DDX39A: variants seen among roughly 807,000 people sequenced by gnomAD.
DDX39A encodes the protein ATP-dependent RNA helicase DDX39A.
DDX39A carries 13 observed loss-of-function variants against 46.3 expected under a neutral mutation model. That is an observed-to-expected ratio of 0.28 (90% CI 0.18 to 0.45). The LOEUF is 0.45. DDX39A is among the 20% of genes least tolerant of loss of function. DDX39A has a pLI of 1.00. For missense variants in DDX39A, 352 were observed against 581.8 expected (o/e 0.61, Z 4.06); for synonymous variants, 234 against 224.6 (o/e 1.04, Z -0.38).
Position 14,411,673 on chromosome 19 carries a change from C to T in DDX39A, c.337-75G>A, listed in dbSNP as rs1461911221. The T allele has an allele frequency of 2.2e-6, 3 of 1,344,946 alleles. No homozygotes were observed. Among genetic ancestry groups the T allele is most frequent in the Middle Eastern group, 1.8e-4 (1 of 5,624 alleles). The allele number at this position is 1,344,946 out of a possible 1,614,324, so 83.3% of individuals were successfully genotyped here. A position where few individuals can be genotyped will look rare whatever the true frequency, so the allele number is the denominator to read the frequency against. On this transcript the variant is annotated intron_variant, in intron 3 of 10. Transcript: ENST00000242776. The surrounding 1 kb of genome is among the most constrained non-coding windows in gnomAD (Gnocchi z 4.1). ...CCCTTCCCCACCAGAGTCCACCCAACCCAGTCCCCCTGACACTGCACCCAA... is the reference window on the plus strand; with the variant it reads ...CCCTTCCCCACCAGAGTCCACCCAATCCAGTCCCCCTGACACTGCACCCAA...
At chr19:14,417,693 T>C (rs1324604933) in intron 1 of DDX39A, among the ~76,000 whole-genome samples, 2 of 151,502 alleles carry the variant, frequency 1.3e-5, no homozygotes, top group Non-Finnish European at 2.9e-5. Context: ...AATAAATAAG[T>C]AGAAATTAAA....
In DDX39A at chr19:14,412,556, C is replaced by A; in HGVS notation, c.331G>T (p.Gly111Ter). 6.2e-7 allele frequency: 1 copy of A among 1,607,752 alleles called. No homozygotes were observed. Among genetic ancestry groups the A allele is most frequent in the Non-Finnish European group, 8.5e-7 (1 of 1,179,734 alleles). ...GAAGGGAGGAGCCCACCCACCTGTC[C>A]GTTGACAGGCTCAATCTGCTGTAGG... ...ATLQQIEPVN[G>*]QVTVLVMCHT... The change falls in exon 3 of 11, where the codon GGA (glycine) becomes TGA (stop). Residue 111 changes from glycine (G) to a stop codon, truncating the protein, a stop_gained. Transcript: ENST00000242776. LOFTEE classifies it high-confidence loss of function. This position sits in a 1 kb window ranked among gnomAD's most constrained non-coding sequence, Gnocchi z 4.4.
intron 1 of DDX39A, among the ~76,000 whole-genome samples, chr19:14,413,611 C>A (rs763822495): frequency 2.0e-4 from 30 of 152,182 alleles, no homozygotes; most frequent in Non-Finnish European, 1.9e-4. Context: ...CTGGCTGTCA[C>A]CGCCAGGAAT....
intron 1 of DDX39A, chr19:14,415,826 C>T (rs1466298151): frequency 6.5e-6 from 1 of 153,654 alleles, no homozygotes; most frequent in Admixed American, 6.6e-5. Flanking sequence ...AATCCCAGCA[C>T]TTTGGGAGGC....
rs1397204256 is a variant in DDX39A, at chr19:14,408,916, GCGGCTCTGGCACGTGGTGGTTAC to G, written c.1281_*19del. 1 of 1,574,596 alleles carries G rather than the reference GCGGCTCTGGCACGTGGTGGTTAC, an allele frequency of 6.4e-7. No individual in the cohort carries two copies. Among genetic ancestry groups the G allele is most frequent in the Non-Finnish European group, 8.6e-7 (1 of 1,158,120 alleles). ...GCTGCATGCGGGCGGCTCCGGGTGG[GCGGCTCTGGCACGTGGTGGTTAC>G]CGGCTCTGCTCGACTGTAAGACATG... On this transcript the variant is annotated stop_lost and 3_prime_UTR_variant, in exon 11 of 11. Coordinates refer to ENST00000242776, the MANE Select transcript of DDX39A (RefSeq NM_005804.4).
rs1252571359 is a variant in DDX39A at position 14,409,780 on chromosome 19, T to C, written c.826A>G (p.Lys276Glu). ...AGCACATCCAAGAGATCAAAGAGCT[T>C]GCGGTTCTTCTCACTGTCTTTGAGT... ...VKLKDSEKNR[K>E]LFDLLDVLEF... Residue 276 changes from lysine (K) to glutamate (E), a missense_variant, in exon 7 of 11, where the codon AAG becomes GAG. Lys to Glu is a moderately conservative substitution (Grantham distance 56). This residue lies in a region of DDX39A where 301 missense variants were observed against 469.9 expected (regional missense o/e 0.64). Transcript: ENST00000242776. This position sits in a 1 kb window ranked among gnomAD's most constrained non-coding sequence, Gnocchi z 8.3. 3.7e-6 allele frequency: 6 copies of C among 1,614,018 alleles called. No homozygotes were observed. Among genetic ancestry groups the C allele is most frequent in the African/African-American group, 2.7e-5 (2 of 74,922 alleles).
intron 1 of DDX39A, among the ~76,000 whole-genome samples, chr19:14,415,041 CAT>C (rs1324945618): frequency 6.6e-6 from 1 of 151,766 alleles, no homozygotes; most frequent in Non-Finnish European, 1.5e-5. Flanking sequence ...TAGTCACAGA[CAT>C]GTGCAACCAC....
At position 14,409,481 on chromosome 19, in the gene DDX39A, G is replaced by A; in HGVS notation, c.975-34C>T. ...CAGGAGAAACAAGTGGAGGCCGTCA[G>A]ACACTGGGCTCCTGGTGGTGCTCCC... On this transcript the variant is annotated intron_variant, in intron 8 of 10. Transcript: ENST00000242776. This position sits in a 1 kb window ranked among gnomAD's most constrained non-coding sequence, Gnocchi z 8.3. 1 of 1,612,332 alleles carries A rather than the reference G, an allele frequency of 6.2e-7. No homozygotes were observed. The highest frequency in any genetic ancestry group is 1.3e-5 in the African/African-American group (1 of 75,064).
chr19:14,411,344 G>T lies in DDX39A; in HGVS notation c.429+162C>A. On this transcript the variant is annotated intron_variant, in intron 4 of 10. Coordinates refer to ENST00000242776, the MANE Select transcript of DDX39A (RefSeq NM_005804.4). This position sits in a 1 kb window ranked among gnomAD's most constrained non-coding sequence, Gnocchi z 4.1. ...CTGGGACCTGCGCAGGCCCCTGGGAGCCATGCATAATTCATCAGGCTTTTA... is the reference window on the plus strand; with the variant it reads ...CTGGGACCTGCGCAGGCCCCTGGGATCCATGCATAATTCATCAGGCTTTTA... 1 of 991,184 alleles carries T rather than the reference G, an allele frequency of 1.0e-6. No homozygotes were observed. Among genetic ancestry groups the T allele is most frequent in the Non-Finnish European group, 1.5e-6 (1 of 670,470 alleles). The allele number at this position is 991,184 out of a possible 1,614,324, so 61.4% of individuals were successfully genotyped here.
rs767701980 is a variant in DDX39A, at chr19:14,409,896, G to A, written c.733-23C>T. 12 of 1,612,460 alleles carry A rather than the reference G, an allele frequency of 7.4e-6. No homozygotes were observed. Among genetic ancestry groups the A allele is most frequent in the South Asian group, 1.1e-5 (1 of 91,026 alleles). On this transcript the variant is annotated intron_variant, in intron 6 of 10. Coordinates refer to ENST00000242776, the MANE Select transcript of DDX39A (RefSeq NM_005804.4). This position sits in a 1 kb window ranked among gnomAD's most constrained non-coding sequence, Gnocchi z 8.3. ...GGGCTGTGTGGGAAGGGAGGTGGGA[G>A]GGGCGGGCAGGGATCACCTCTGGGC...
intron 1 of DDX39A, among the ~76,000 whole-genome samples, chr19:14,414,325 TTTATTATTATTA>T (rs376558858): frequency 0.13 from 17,876 of 133,408 alleles, 1,243 homozygotes; most frequent in East Asian, 0.19. Context: ...TATCACCTGT[TTTATTATTATTA>T]TTATTATTAT....
chr19:14,409,655 G>C lies in DDX39A; in HGVS notation c.865-10C>G, dbSNP rs887889499. 2 of 1,608,876 alleles carry C rather than the reference G, an allele frequency of 1.2e-6. No homozygotes were observed. Among genetic ancestry groups the C allele is most frequent in the Non-Finnish European group, 1.7e-6 (2 of 1,176,342 alleles). On this transcript the variant is annotated splice_polypyrimidine_tract_variant and intron_variant, in intron 7 of 10. Transcript: ENST00000242776. The surrounding 1 kb of genome is among the most constrained non-coding windows in gnomAD (Gnocchi z 8.3). ...TGACGAAGATTATCACCTGAGGGAA[G>C]GAGTGGCAGTCAGGGCCACACAGTC...
rs780909815 is a variant in DDX39A, at chr19:14,409,879, TG to T, written c.733-7del. ...TCCACAAACACCTCCATGGGCTGTG[TG>T]GGAAGGGAGGTGGGAGGGGCGGGCA... On this transcript the variant is annotated splice_polypyrimidine_tract_variant and splice_region_variant and intron_variant, in intron 6 of 10. Coordinates refer to ENST00000242776, the MANE Select transcript of DDX39A (RefSeq NM_005804.4). The surrounding 1 kb of genome is among the most constrained non-coding windows in gnomAD (Gnocchi z 8.3). The T allele has an allele frequency of 2.5e-6, 4 of 1,613,574 alleles. No homozygotes were observed. The East Asian group carries it at 8.9e-5, about 36-fold the overall frequency.
Position 14,412,790 on chromosome 19 carries a change from G to T in DDX39A, c.209-112C>A. On this transcript the variant is annotated intron_variant, in intron 2 of 10. Coordinates refer to ENST00000242776, the MANE Select transcript of DDX39A (RefSeq NM_005804.4). The surrounding 1 kb of genome is among the most constrained non-coding windows in gnomAD (Gnocchi z 4.4). ...GGGCAATCAGAAGAGGCCGAGTCCG[G>T]ACAAGGCCACAGACACCTGCAGGGC... is the stretch of plus-strand genomic sequence containing the variant. 1 of 1,446,024 alleles carries T rather than the reference G, an allele frequency of 6.9e-7. No individual in the cohort carries two copies. Among genetic ancestry groups the T allele is most frequent in the Non-Finnish European group, 9.3e-7 (1 of 1,076,338 alleles). The allele number at this position is 1,446,024 out of a possible 1,614,324, so 89.6% of individuals were successfully genotyped here.
chr19:14,409,348 G>A lies in DDX39A; in HGVS notation c.1074C>T (p.Val358=). 6.2e-7 allele frequency: 1 copy of A among 1,614,234 alleles called. No homozygotes were observed. Among genetic ancestry groups the A allele is most frequent in the Non-Finnish European group, 8.5e-7 (1 of 1,180,038 alleles). The stretch of plus-strand genomic sequence containing the variant: ...AGTCCTCAGGCATGTCGTAGTTAAA[G>A]ACGATGTTGACTCGCTCGATGTCCA... ...RGMDIERVNI[V]FNYDMPEDSD... The change falls in exon 9 of 11, where the codon GTC becomes GTT. Residue 358 remains valine (V), a synonymous_variant. Transcript: ENST00000242776. The surrounding 1 kb of genome is among the most constrained non-coding windows in gnomAD (Gnocchi z 8.3).
chr19:14,409,952 G>T lies in DDX39A; in HGVS notation c.733-79C>A. 6.4e-7 allele frequency: 1 copy of T among 1,555,502 alleles called. No homozygotes were observed. Among genetic ancestry groups the T allele is most frequent in the Non-Finnish European group, 8.8e-7 (1 of 1,134,670 alleles). On this transcript the variant is annotated intron_variant, in intron 6 of 10. Coordinates refer to ENST00000242776, the MANE Select transcript of DDX39A (RefSeq NM_005804.4). The surrounding 1 kb of genome is among the most constrained non-coding windows in gnomAD (Gnocchi z 8.3). ...GCCTGCCCAGAACCTTCCAGTGGGC[G>T]ACTCCTTTGTGCGACACTTCCCAGA... is the stretch of plus-strand genomic sequence containing the variant.
Position 14,409,053 on chromosome 19 carries a change from G to C in DDX39A, c.1251C>G (p.Ile417Met), listed in dbSNP as rs148589157. 4.3e-6 allele frequency: 7 copies of C among 1,614,186 alleles called. No individual in the cohort carries two copies. The highest frequency in any genetic ancestry group is 5.9e-6 in the Non-Finnish European group (7 of 1,180,048). The change falls in exon 10 of 11, where the codon ATC (isoleucine) becomes ATG (methionine). Residue 417 changes from isoleucine to methionine, a missense_variant. Ile to Met is a conservative substitution (Grantham distance 10). Around this residue, in one of 3 missense-constraint regions of DDX39A, gnomAD observed 301 missense variants for 469.9 expected, o/e 0.64. Coordinates refer to ENST00000242776, the MANE Select transcript of DDX39A (RefSeq NM_005804.4). The surrounding 1 kb of genome is among the most constrained non-coding windows in gnomAD (Gnocchi z 8.3). ...GGCACTTACTGTATGTGGAGATGTC[G>C]ATTTCCTCTGGAAGTTCTGCCACAT... ...EVNVAELPEEIDISTYIEQSR is the reference protein window; with the variant it reads ...EVNVAELPEEMDISTYIEQSR
chr19:14,412,931 G>A lies in DDX39A; in HGVS notation c.208+82C>T. The stretch of plus-strand genomic sequence containing the variant: ...CCCCTCCCTCACCCACGGCAAACTG[G>A]AGGCGGCACCGCTCTGGGCGGGCAG... On this transcript the variant is annotated intron_variant, in intron 2 of 10. Coordinates refer to ENST00000242776, the MANE Select transcript of DDX39A (RefSeq NM_005804.4). The surrounding 1 kb of genome is among the most constrained non-coding windows in gnomAD (Gnocchi z 4.4). 1 of 1,480,342 alleles carries A rather than the reference G, an allele frequency of 6.8e-7. No individual in the cohort carries two copies. Among genetic ancestry groups the A allele is most frequent in the Non-Finnish European group, 9.2e-7 (1 of 1,089,346 alleles). The allele number at this position is 1,480,342 out of a possible 1,614,324, so 91.7% of individuals were successfully genotyped here. A position where few individuals can be genotyped will look rare whatever the true frequency, so the allele number is the denominator to read the frequency against.
At position 14,413,223 on chromosome 19, in the gene DDX39A, T is replaced by C; in HGVS notation, c.-3A>G. The C allele has an allele frequency of 6.2e-7, 1 of 1,613,294 alleles. No homozygotes were observed. Among genetic ancestry groups the C allele is most frequent in the Non-Finnish European group, 8.5e-7 (1 of 1,179,664 alleles). On this transcript the variant is annotated splice_region_variant and 5_prime_UTR_variant, in exon 2 of 11. Coordinates refer to ENST00000242776, the MANE Select transcript of DDX39A (RefSeq NM_005804.4). ...TTTTCCACATCCTGTTCTGCCATGA[T>C]GCTGAGAAGAGAGAGAGGCAGGGTC...
Sources: allele counts gnomAD v4.1 joint callset (sites outside exome capture counted in the v4.1 genomes callset), GRCh38; gene constraint gnomAD v4.1.1; regional missense constraint gnomAD v4.1.1; non-coding constraint Gnocchi (gnomAD v3.1); transcripts MANE v1.5; gene names NCBI Gene and HGNC (gene_info 2026-07-23, HGNC 2026-07-21).